Variants in PTPRN2 observed in about 807,000 individuals in gnomAD.
PTPRN2 encodes receptor-type tyrosine-protein phosphatase N2.
PTPRN2 carries 74 observed loss-of-function variants against 118.8 expected under a neutral mutation model. The observed-to-expected ratio is 0.62, with a 90% CI of 0.52 to 0.76. PTPRN2 has a LOEUF of 0.76. Among genes scored for constraint, PTPRN2 ranks in the 30% least tolerant of loss-of-function variants. The pLI, the probability that PTPRN2 is intolerant of heterozygous loss-of-function variation, is 0.00. For synonymous variants in PTPRN2, 641 were observed against 608.0 expected (o/e 1.05, Z -0.80); for missense variants, 1,481 against 1,394.4 (o/e 1.06, Z -0.99).
At chr7:157,675,629 C>G (rs376422946) in intron 13 of PTPRN2, among the ~76,000 whole-genome samples, 1 of 152,188 alleles carries the variant, frequency 6.6e-6, no homozygotes, top group South Asian at 2.1e-4. Context: ...AGGAAGTGTG[C>G]GGAAACGGGT....
intron 2 of PTPRN2, among the ~76,000 whole-genome samples, chr7:158,473,511 C>T (rs543684964): frequency 6.6e-6 from 1 of 152,182 alleles, no homozygotes; most frequent in Non-Finnish European, 1.5e-5. Flanking sequence ...AGTGCCGGCT[C>T]GCCTCTCCCT....
chr7:157,715,442 G>T (rs1250315709), intron 12 of PTPRN2, among the ~76,000 whole-genome samples: 1 of 152,244 alleles, frequency 6.6e-6, no homozygotes, highest in East Asian at 1.9e-4. Flanking sequence ...GCTGCTGTGT[G>T]CTCGCAGAGG....
chr7:157,713,404 G>A (rs987707325), intron 12 of PTPRN2, among the ~76,000 whole-genome samples: 5 of 152,226 alleles, frequency 3.3e-5, no homozygotes, highest in South Asian at 2.1e-4. Flanking sequence ...TTAATAGCCT[G>A]TAAGAATAGT....
At position 157,780,719 on chromosome 7, in the gene PTPRN2, G is replaced by C. The variant is rs1383001936; in HGVS notation, c.1789-97782C>G. ...TCCCTATGTTGGAATGCATGATGGG[G>C]CCACACCCAGCACGGAGAGAGCACT... On this transcript the variant is annotated intron_variant, in intron 12 of 22. Transcript: ENST00000389418. This position sits in a 1 kb window ranked among gnomAD's most constrained non-coding sequence, Gnocchi z 4.5. Among the ~76,000 whole-genome samples, 1 of 152,160 alleles carries C rather than the reference G, an allele frequency of 6.6e-6. No individual in the cohort carries two copies.
rs72432324 is a variant in PTPRN2, at chr7:158,352,325, A to ACCCTCCTGACCGCTC, written c.164-35408_164-35394dup. ...TTGACTGCTCCCCTCCCTGCCAGCT[A>ACCCTCCTGACCGCTC]CCCTCCTGACCGCTCCCCTCCTGTC... On this transcript the variant is annotated intron_variant, in intron 2 of 22. Transcript: ENST00000389418. Among the ~76,000 whole-genome samples the ACCCTCCTGACCGCTC allele has an allele frequency of 3.3e-4, 12 of 36,786 alleles. 3 individuals carry two copies. The highest frequency in any genetic ancestry group is 0.012 in the Middle Eastern group (1 of 82). The allele number at this position is 36,786 out of a possible 152,430, so 24.1% of individuals were successfully genotyped here.
intron 15 of PTPRN2, among the ~76,000 whole-genome samples, chr7:157,613,533 G>A (rs1020112387): frequency 6.6e-6 from 1 of 152,172 alleles, no homozygotes; most frequent in Admixed American, 6.5e-5. Context: ...TCCGGGGCGC[G>A]TCCTCAGAAG....
chr7:157,748,231 G>T (rs1316674022), intron 12 of PTPRN2, among the ~76,000 whole-genome samples: 1 of 149,968 alleles, frequency 6.7e-6, no homozygotes, highest in African/African-American at 2.5e-5. Context: ...TCTGAGGCCT[G>T]CGTCCCTGAG....
intron 12 of PTPRN2, among the ~76,000 whole-genome samples, chr7:157,739,750 T>G (rs903941849): frequency 1.2e-4 from 19 of 152,176 alleles, no homozygotes; most frequent in African/African-American, 4.6e-4. Flanking sequence ...AGCCCTGGGG[T>G]CACCATACTG....
intron 9 of PTPRN2, among the ~76,000 whole-genome samples, chr7:158,111,458 C>A (rs1038384897): frequency 6.6e-6 from 1 of 152,304 alleles, no homozygotes; most frequent in East Asian, 1.9e-4. Context: ...GGGACCTGTC[C>A]GTCAAGAGGC....
chr7:158,379,920 A>T (rs961829994), intron 2 of PTPRN2, among the ~76,000 whole-genome samples: 3 of 152,196 alleles, frequency 2.0e-5, no homozygotes, highest in Non-Finnish European at 4.4e-5. Flanking sequence ...CACATGGATG[A>T]CAGCAGGCAA....
chr7:157,719,526 G>A lies in PTPRN2; in HGVS notation c.1789-36589C>T, dbSNP rs573685723. 5.2e-5 allele frequency among the ~76,000 whole-genome samples: 8 copies of A among 152,382 alleles called. No homozygotes were observed. The South Asian group carries it at 6.2e-4, about 12-fold the overall frequency. On this transcript the variant is annotated intron_variant, in intron 12 of 22. Coordinates refer to ENST00000389418, the MANE Select transcript of PTPRN2 (RefSeq NM_002847.5). ...GCACATCCCGGCCTCCTGGGAACGC[G>A]GAGAACTTCGTGCCTGCTGTCCAGT... is the stretch of plus-strand genomic sequence containing the variant.
At chr7:157,726,635 A>T (rs965768768) in intron 12 of PTPRN2, among the ~76,000 whole-genome samples, 4 of 152,262 alleles carry the variant, frequency 2.6e-5, no homozygotes, top group African/African-American at 9.6e-5. Context: ...ACAGGCACAA[A>T]AGAAAAAAAT....
chr7:157,962,692 T>C (rs1801630327), intron 11 of PTPRN2, among the ~76,000 whole-genome samples: 1 of 152,156 alleles, frequency 6.6e-6, no homozygotes, highest in Non-Finnish European at 1.5e-5. Flanking sequence ...GGAAGGGTTT[T>C]CAGTGACAAG....
intron 5 of PTPRN2, among the ~76,000 whole-genome samples, chr7:158,169,052 A>C (rs1211834646): frequency 2.0e-5 from 3 of 152,118 alleles, no homozygotes; most frequent in African/African-American, 7.2e-5. Context: ...GCACATGATC[A>C]ATGTCATGTC....
At chr7:157,934,903 C>G (rs1438785923) in intron 11 of PTPRN2, among the ~76,000 whole-genome samples, 2 of 152,242 alleles carry the variant, frequency 1.3e-5, no homozygotes, top group Admixed American at 1.3e-4. Flanking sequence ...CACCCTTATG[C>G]TGAAACATGT....
At chr7:158,562,483 G>A (rs1462421725) in intron 1 of PTPRN2, among the ~76,000 whole-genome samples, 1 of 152,120 alleles carries the variant, frequency 6.6e-6, no homozygotes, top group Non-Finnish European at 1.5e-5. Flanking sequence ...CCCTTTACAT[G>A]AAAAATATAA....
chr7:158,548,704 G>A (rs1316506310), intron 1 of PTPRN2, among the ~76,000 whole-genome samples: 3 of 152,164 alleles, frequency 2.0e-5, no homozygotes, highest in Non-Finnish European at 2.9e-5. Flanking sequence ...AGAACAACAC[G>A]GGTTCTCCGT....
At chr7:157,976,019 G>A (rs1053663323) in intron 11 of PTPRN2, among the ~76,000 whole-genome samples, 4 of 152,178 alleles carry the variant, frequency 2.6e-5, no homozygotes, top group African/African-American at 9.6e-5. Context: ...AGCAGAGCTG[G>A]GCAGCAGCCC....
chr7:158,333,376 G>A (rs370949754), intron 2 of PTPRN2, among the ~76,000 whole-genome samples: 6 of 35,422 alleles, frequency 1.7e-4, no homozygotes, highest in Admixed American at 5.7e-4. Context: ...ACCCACACTC[G>A]CACCATAAGA....
Sources: gnomAD v4.1 joint callset for allele counts (sites outside exome capture counted in the v4.1 genomes callset) on GRCh38, gnomAD v4.1.1 for gene constraint, Gnocchi (gnomAD v3.1) non-coding constraint, MANE v1.5 for transcripts, NCBI Gene and HGNC (gene_info 2026-07-23, HGNC 2026-07-21) for gene names.